Variants in FBXL17 observed in about 807,000 individuals in gnomAD.
FBXL17 encodes F-box and leucine rich repeat protein 17.
FBXL17 carries 22 observed loss-of-function variants against 66.2 expected under a neutral mutation model. The observed-to-expected ratio is 0.33, with a 90% CI of 0.24 to 0.47. The LOEUF is 0.47. FBXL17 is among the 20% of genes least tolerant of loss of function. The pLI is 1.00. For synonymous variants in FBXL17, 474 were observed against 400.5 expected (o/e 1.18, Z -2.19); for missense variants, 878 against 948.2 (o/e 0.93, Z 0.97).
intron 4 of FBXL17, among the ~76,000 whole-genome samples, chr5:108,282,080 CA>C (rs1309167190): frequency 2.6e-5 from 4 of 151,718 alleles, no homozygotes; most frequent in African/African-American, 9.7e-5. Context: ...GATTCACAGC[CA>C]AATTATCCCA....
intron 6 of FBXL17, among the ~76,000 whole-genome samples, chr5:108,094,274 A>G (rs1052493845): frequency 5.3e-5 from 8 of 152,144 alleles, no homozygotes; most frequent in African/African-American, 1.9e-4. Context: ...CTTCTGCACA[A>G]ATTATGAAAT....
chr5:108,370,268 T>C lies in FBXL17; in HGVS notation c.994-2315A>G, dbSNP rs753632004. 4.6e-5 allele frequency among the ~76,000 whole-genome samples: 7 copies of C among 152,320 alleles called. No individual in the cohort carries two copies. The East Asian group carries it at 7.7e-4, about 17-fold the overall frequency. On this transcript the variant is annotated intron_variant, in intron 1 of 8. Coordinates refer to ENST00000542267, the MANE Select transcript of FBXL17 (RefSeq NM_001163315.3). ...GAACTAAAGGCTATTAGTCAAGGATTTGTTGTAATACATGATTTCAATTAT... is the reference window on the plus strand; with the variant it reads ...GAACTAAAGGCTATTAGTCAAGGATCTGTTGTAATACATGATTTCAATTAT...
chr5:108,036,456 A>G (rs565120742), intron 6 of FBXL17, among the ~76,000 whole-genome samples: 168 of 152,308 alleles, frequency 1.1e-3, no homozygotes, highest in African/African-American at 4.0e-3. Flanking sequence ...CATTTGATGC[A>G]CTTTCTTCAT....
At chr5:108,142,854 C>T (rs565490841) in intron 6 of FBXL17, among the ~76,000 whole-genome samples, 12 of 152,038 alleles carry the variant, frequency 7.9e-5, no homozygotes, top group Admixed American at 4.6e-4. Context: ...TTACAGTGGA[C>T]GGATAGCATT....
chr5:108,350,460 T>C (rs1316416310), intron 3 of FBXL17, among the ~76,000 whole-genome samples: 1 of 152,184 alleles, frequency 6.6e-6, no homozygotes, highest in Non-Finnish European at 1.5e-5. Flanking sequence ...TATCCCATTT[T>C]CCAGAATGAA....
intron 7 of FBXL17, among the ~76,000 whole-genome samples, chr5:107,959,043 T>C (rs976938601): frequency 6.6e-6 from 1 of 152,148 alleles, no homozygotes; most frequent in Non-Finnish European, 1.5e-5. Context: ...GTGGTCTCCA[T>C]GGTAACAGCC....
intron 7 of FBXL17, among the ~76,000 whole-genome samples, chr5:107,933,876 G>A (rs892806486): frequency 2.0e-5 from 3 of 152,092 alleles, no homozygotes; most frequent in African/African-American, 7.2e-5. Flanking sequence ...GGGAAGGAAA[G>A]GATGTGAACT....
chr5:108,375,161 C>G, intron 1 of FBXL17, among the ~76,000 whole-genome samples: 1 of 152,062 alleles, frequency 6.6e-6, no homozygotes, highest in Middle Eastern at 3.2e-3. Flanking sequence ...TGAGACCAGC[C>G]TGGAAAACAT....
chr5:108,298,381 T>C (rs891339779), intron 4 of FBXL17: 7 of 981,050 alleles, frequency 7.1e-6, no homozygotes, highest in African/African-American at 3.5e-5. Flanking sequence ...TTCTTTCTAC[T>C]CCACCAGTCA....
chr5:108,216,235 G>A (rs902042890), intron 5 of FBXL17, among the ~76,000 whole-genome samples: 7 of 152,028 alleles, frequency 4.6e-5, no homozygotes, highest in African/African-American at 1.7e-4. Context: ...AAAAGCTGCT[G>A]AGATTTTTAC....
At chr5:107,940,161 G>A (rs1751044175) in intron 7 of FBXL17, among the ~76,000 whole-genome samples, 2 of 152,100 alleles carry the variant, frequency 1.3e-5, no homozygotes, top group African/African-American at 4.8e-5. Context: ...CCAGTAAGTG[G>A]CAGAGTTGTC....
intron 7 of FBXL17, among the ~76,000 whole-genome samples, chr5:107,987,509 T>A (rs17160808): frequency 0.025 from 3,818 of 152,122 alleles, 160 homozygotes; most frequent in African/African-American, 0.086. Context: ...TCCTAAATAT[T>A]TCAGTTTTTT....
intron 4 of FBXL17, among the ~76,000 whole-genome samples, chr5:108,238,386 G>C (rs767774024): frequency 6.6e-6 from 1 of 152,216 alleles, no homozygotes; most frequent in Non-Finnish European, 1.5e-5. Context: ...GATTAAGAAA[G>C]ACAGGCTACC....
chr5:108,064,844 G>T (rs1748056923), intron 6 of FBXL17, among the ~76,000 whole-genome samples: 2 of 152,092 alleles, frequency 1.3e-5, no homozygotes, highest in Admixed American at 1.3e-4. Context: ...CTTCCTTCCA[G>T]CAGAGGATCT....
intron 7 of FBXL17, among the ~76,000 whole-genome samples, chr5:107,883,077 G>GT (rs1166758202): frequency 1.3e-5 from 2 of 152,088 alleles, no homozygotes; most frequent in Non-Finnish European, 2.9e-5. Context: ...TAACTCATTC[G>GT]TTTATTTAAT....
At chr5:108,362,870 C>T (rs1748430437) in intron 3 of FBXL17, among the ~76,000 whole-genome samples, 1 of 151,950 alleles carries the variant, frequency 6.6e-6, no homozygotes, top group Non-Finnish European at 1.5e-5. Context: ...ATAAAATTTA[C>T]ATATATCATT....
intron 6 of FBXL17, among the ~76,000 whole-genome samples, chr5:108,125,245 G>A (rs288199): frequency 0.031 from 4,666 of 151,926 alleles, 89 homozygotes; most frequent in Non-Finnish European, 0.043. Context: ...AACATTATAC[G>A]CCTATATCAA....
intron 6 of FBXL17, among the ~76,000 whole-genome samples, chr5:108,037,419 C>T (rs1030877166): frequency 5.9e-5 from 9 of 151,890 alleles, no homozygotes; most frequent in South Asian, 2.1e-4. Context: ...GATTTGCTAG[C>T]GATTATTTTC....
chr5:108,212,608 C>T (rs2966814), intron 5 of FBXL17, among the ~76,000 whole-genome samples: 118,267 of 152,156 alleles, frequency 0.78, 46,706 homozygotes, highest in East Asian at 0.93. Flanking sequence ...GGTGGTCCAC[C>T]CCTGACCCTG....
Sources: allele counts gnomAD v4.1 joint callset (sites outside exome capture counted in the v4.1 genomes callset), GRCh38; gene constraint gnomAD v4.1.1; transcripts MANE v1.5; gene names NCBI Gene and HGNC (gene_info 2026-07-23, HGNC 2026-07-21).